The following CYTH3 variants were observed in gnomAD, a reference collection of about 807,000 sequenced individuals.
CYTH3 encodes the protein cytohesin-3.
CYTH3 carries 23 observed loss-of-function variants against 55.1 expected under a neutral mutation model. The observed-to-expected ratio is 0.42, with a 90% CI of 0.30 to 0.59. The LOEUF (loss-of-function observed/expected upper bound fraction) is 0.59. CYTH3 is among the 20% of genes least tolerant of loss of function. CYTH3 has a pLI of 0.20. For missense variants in CYTH3, 413 were observed against 524.8 expected, an observed-to-expected ratio of 0.79 and a Z score of 2.08; for synonymous variants, 249 against 194.9, an observed-to-expected ratio of 1.28 and a Z score of -2.31.
intron 4 of CYTH3, among the ~76,000 whole-genome samples, chr7:6,182,714 A>G (rs1344306196): frequency 6.6e-6 from 1 of 152,016 alleles, no homozygotes; most frequent in Admixed American, 6.6e-5. Flanking sequence ...GGGTCTCACT[A>G]TGTTAGGCTG....
At chr7:6,193,954 GCGTCTTCTC>G (rs1783860903) in intron 1 of CYTH3, among the ~76,000 whole-genome samples, 1 of 152,176 alleles carries the variant, frequency 6.6e-6, no homozygotes, top group Non-Finnish European at 1.5e-5. Context: ...GCTGGGACAA[GCGTCTTCTC>G]TGAAGCATCC....
rs577880394 is a variant in CYTH3, at chr7:6,231,994, G to A, written c.34+40480C>T. ...TTACCTGTTCTGCTTTCTTGCCCCC[G>A]TTTGCATCTGAGTTTTAAACTTGCC... is the stretch of plus-strand genomic sequence containing the variant. On this transcript the variant is annotated intron_variant, in intron 1 of 12. Transcript: ENST00000350796. Among the ~76,000 whole-genome samples the A allele has an allele frequency of 7.9e-5, 12 of 152,150 alleles. No homozygotes were observed. The East Asian group carries it at 1.5e-3, about 20-fold the overall frequency.
chr7:6,266,764 ATTTCC>A (rs1298278498), intron 1 of CYTH3, among the ~76,000 whole-genome samples: 6 of 152,108 alleles, frequency 3.9e-5, no homozygotes, highest in African/African-American at 1.4e-4. Context: ...CCTCTTGTTG[ATTTCC>A]TTTAACACAT....
rs370194149 is a variant in CYTH3 at position 6,205,875 on chromosome 7, T to TAA, written c.35-15346_35-15345dup. Among the ~76,000 whole-genome samples, 226 of 28,080 alleles carry TAA rather than the reference T, an allele frequency of 8.0e-3. 20 individuals carry two copies. The highest frequency in any genetic ancestry group is 0.054 in the East Asian group (30 of 554). The allele number at this position is 28,080 out of a possible 152,430, so 18.4% of individuals were successfully genotyped here. On this transcript the variant is annotated intron_variant, in intron 1 of 12. Transcript: ENST00000350796. Reference sequence around the variant, plus strand: ...GGTGACAGAGCAAGGTCCTATCTCTTAAAAAAAAAAAAAAAAAAAAAAAAA... The same window carrying TAA: ...GGTGACAGAGCAAGGTCCTATCTCTTAAAAAAAAAAAAAAAAAAAAAAAAAAA...
At chr7:6,222,825 G>T (rs1322144250) in intron 1 of CYTH3, among the ~76,000 whole-genome samples, 1 of 150,296 alleles carries the variant, frequency 6.7e-6, no homozygotes, top group Non-Finnish European at 1.5e-5. Context: ...TTATTATAAA[G>T]TGTTCCACAT....
At chr7:6,193,599 T>G (rs1783854101) in intron 1 of CYTH3, among the ~76,000 whole-genome samples, 1 of 152,212 alleles carries the variant, frequency 6.6e-6, no homozygotes, top group African/African-American at 2.4e-5. Flanking sequence ...CTAATTTACG[T>G]GAGAGAATCC....
chr7:6,201,762 G>T (rs7795151), intron 1 of CYTH3, among the ~76,000 whole-genome samples: 1 of 152,056 alleles, frequency 6.6e-6, no homozygotes, highest in Non-Finnish European at 1.5e-5. Context: ...AAGGCGGAGC[G>T]GATAGATGAT....
At chr7:6,270,718 G>C (rs527931164) in intron 1 of CYTH3, among the ~76,000 whole-genome samples, 48 of 152,214 alleles carry the variant, frequency 3.2e-4, no homozygotes, top group African/African-American at 1.0e-3. Context: ...TTATACGTGA[G>C]GGGTTTATTT....
rs1783030363 is a variant in CYTH3 at position 6,167,060 on chromosome 7, G to A, written c.824-1250C>T. 6.6e-6 allele frequency among the ~76,000 whole-genome samples: 1 copy of A among 152,136 alleles called. No individual in the cohort carries two copies. The highest frequency in any genetic ancestry group is 3.2e-3 in the Middle Eastern group (1 of 314). On this transcript the variant is annotated intron_variant, in intron 9 of 12. Coordinates refer to ENST00000350796, the MANE Select transcript of CYTH3 (RefSeq NM_004227.4). This position sits in a 1 kb window ranked among gnomAD's most constrained non-coding sequence, Gnocchi z 5.5. The stretch of plus-strand genomic sequence containing the variant: ...GCTTCCACTCCCCGAACCCCTGCAA[G>A]CTGCTCCGTCACTGGAACCCTCTGC...
At chr7:6,217,037 C>G (rs1459855974) in intron 1 of CYTH3, among the ~76,000 whole-genome samples, 1 of 151,986 alleles carries the variant, frequency 6.6e-6, no homozygotes, top group East Asian at 1.9e-4. Flanking sequence ...CTCAGCCTCC[C>G]AAGTAGCTGG....
intron 1 of CYTH3, among the ~76,000 whole-genome samples, chr7:6,247,885 T>A (rs1779862042): frequency 6.6e-6 from 1 of 151,822 alleles, no homozygotes; most frequent in South Asian, 2.1e-4. Flanking sequence ...ACTCCTGGTC[T>A]TAAACTCCTG....
intron 1 of CYTH3, among the ~76,000 whole-genome samples, chr7:6,269,705 G>GC (rs71549617): frequency 1.3e-5 from 2 of 152,112 alleles, no homozygotes; most frequent in Admixed American, 1.3e-4. Flanking sequence ...GTAATCTTGT[G>GC]CCCCCCACTC....
At chr7:6,219,798 A>G (rs1277287571) in intron 1 of CYTH3, among the ~76,000 whole-genome samples, 2 of 152,176 alleles carry the variant, frequency 1.3e-5, no homozygotes, top group Admixed American at 6.5e-5. Context: ...TTTTTTTAAG[A>G]GATAGCAAAG....
chr7:6,163,445 C>A lies in CYTH3; in HGVS notation c.*1499G>T, dbSNP rs78314028. 3,238 of 152,794 alleles carry A rather than the reference C, an allele frequency of 0.021. 40 individuals are homozygous for A. The highest frequency in any genetic ancestry group is 0.061 in the Middle Eastern group (18 of 296). The allele number at this position is 152,794 out of a possible 1,614,324, so 9.5% of individuals were successfully genotyped here. A position where few individuals can be genotyped will look rare whatever the true frequency, so the allele number is the denominator to read the frequency against. ...ACCAACCCAACAGCCCACTGTGTAA[C>A]AGGGTCCTGGGGACGCAAATCTCCC... On this transcript the variant is annotated 3_prime_UTR_variant, in exon 13 of 13. Transcript: ENST00000350796.
intron 1 of CYTH3, among the ~76,000 whole-genome samples, chr7:6,257,987 G>C (rs1253268915): frequency 2.0e-5 from 3 of 152,030 alleles, no homozygotes; most frequent in Non-Finnish European, 4.4e-5. Flanking sequence ...TACTCATCCA[G>C]GTCCAACAAA....
rs1231709895 is a variant in CYTH3 at position 6,163,962 on chromosome 7, A to C, written c.*982T>G. On this transcript the variant is annotated 3_prime_UTR_variant, in exon 13 of 13. Coordinates refer to ENST00000350796, the MANE Select transcript of CYTH3 (RefSeq NM_004227.4). ...ATCTAAACAAAACATCAGCAGTTTC[A>C]CGTGGCTCAGCGTATGGACCATCTG... 2 of 152,274 alleles carry C rather than the reference A, an allele frequency of 1.3e-5. No homozygotes were observed. The highest frequency in any genetic ancestry group is 2.9e-5 in the Non-Finnish European group (2 of 68,044). The allele number at this position is 152,274 out of a possible 1,614,324, so 9.4% of individuals were successfully genotyped here.
intron 1 of CYTH3, among the ~76,000 whole-genome samples, chr7:6,251,363 G>C (rs1779959451): frequency 6.7e-6 from 1 of 150,368 alleles, no homozygotes; most frequent in Admixed American, 6.6e-5. Context: ...GTAATAATGA[G>C]GCAGGAGAGA....
In CYTH3 at chr7:6,164,406, T is replaced by TA. The variant is rs1193612575; in HGVS notation, c.*537dup. 6.5e-6 allele frequency: 1 copy of TA among 153,272 alleles called. No homozygotes were observed. Among genetic ancestry groups the TA allele is most frequent in the Non-Finnish European group, 1.5e-5 (1 of 68,476 alleles). The allele number at this position is 153,272 out of a possible 1,614,324, so 9.5% of individuals were successfully genotyped here. A position where few individuals can be genotyped will look rare whatever the true frequency, so the allele number is the denominator to read the frequency against. ...TAATTTCAGAATATAAAAAGGCATA[T>TA]AAAAGCTATAATCCTATATATCTGA... On this transcript the variant is annotated 3_prime_UTR_variant, in exon 13 of 13. Coordinates refer to ENST00000350796, the MANE Select transcript of CYTH3 (RefSeq NM_004227.4).
intron 6 of CYTH3, chr7:6,172,728 C>A: frequency 8.4e-7 from 1 of 1,185,888 alleles, no homozygotes; most frequent in Non-Finnish European, 1.1e-6. Context: ...CTCCCAGACT[C>A]ACCAGGCCTG....
Sources: allele counts gnomAD v4.1 joint callset (sites outside exome capture counted in the v4.1 genomes callset), GRCh38; gene constraint gnomAD v4.1.1; non-coding constraint Gnocchi (gnomAD v3.1); transcripts MANE v1.5; gene names NCBI Gene and HGNC (gene_info 2026-07-23, HGNC 2026-07-21).